The following HELLS variants were observed in gnomAD, a reference collection of about 807,000 sequenced individuals.
The protein encoded by HELLS is helicase, lymphoid specific.
Under a neutral mutation model 120.0 loss-of-function variants are expected in HELLS, and 32 were observed. The observed-to-expected ratio is 0.27, with a 90% CI of 0.20 to 0.36. HELLS has a LOEUF of 0.36. Among genes scored for constraint, HELLS ranks in the 10% least tolerant of loss-of-function variants. The pLI, the probability that HELLS is intolerant of heterozygous loss-of-function variation, is 1.00. For synonymous variants in HELLS, 341 were observed against 323.4 expected (o/e 1.05, Z -0.58); for missense variants, 650 against 993.4 (o/e 0.65, Z 4.65).
chr10:94,591,872 G>T (rs1845505172), intron 15 of HELLS, among the ~76,000 whole-genome samples: 1 of 152,138 alleles, frequency 6.6e-6, no homozygotes, highest in Admixed American at 6.5e-5. Context: ...AAGAATTCTA[G>T]CAGTAGTTTA....
intron 9 of HELLS, 28 bp from the exon 10 acceptor site, chr10:94,576,634 T>A: frequency 7.4e-7 from 1 of 1,345,954 alleles, no homozygotes; most frequent in African/African-American, 1.4e-5. Context: ...TTCTTAAGTC[T>A]GATAAAAATC....
intron 3 of HELLS, among the ~76,000 whole-genome samples, chr10:94,557,772 C>T (rs1843339260): frequency 6.6e-6 from 1 of 152,208 alleles, no homozygotes; most frequent in Non-Finnish European, 1.5e-5. Flanking sequence ...CTCCTCAACA[C>T]AAAGAGACTG....
rs372100705 is a variant in HELLS, at chr10:94,597,153, C to A, written c.2422+42C>A. 4.5e-6 allele frequency: 5 copies of A among 1,114,392 alleles called. No homozygotes were observed. In the South Asian group the frequency reaches 5.2e-5, roughly 12 times the overall value. The allele number at this position is 1,114,392 out of a possible 1,614,324, so 69.0% of individuals were successfully genotyped here. On this transcript the variant is annotated intron_variant, in intron 21 of 21. Transcript: ENST00000348459. ...TTTTTAATGGAAGCTTCGAAACATA[C>A]ACTTAATTAGCATAATGTAATGAAC...
At chr10:94,597,359 T>A (rs766363025) in intron 21 of HELLS, among the ~76,000 whole-genome samples, 3 of 152,160 alleles carry the variant, frequency 2.0e-5, no homozygotes, top group Non-Finnish European at 4.4e-5. Flanking sequence ...AATGAATATA[T>A]TCAAGTTCCT....
chr10:94,604,559 A>G (rs1179862252), downstream of HELLS, among the ~76,000 whole-genome samples: 4 of 146,860 alleles, frequency 2.7e-5, no homozygotes, highest in African/African-American at 7.6e-5. Context: ...ACTGTTCCTC[A>G]TATTTAAGAG....
intron 7 of HELLS, among the ~76,000 whole-genome samples, chr10:94,573,074 C>G (rs544920676): frequency 1.3e-5 from 2 of 152,282 alleles, no homozygotes; most frequent in South Asian, 4.1e-4. Flanking sequence ...ATTCTCCTGC[C>G]TCAGCCTCCC....
At chr10:94,564,681 G>C (rs112676682) in intron 6 of HELLS, among the ~76,000 whole-genome samples, 9 of 151,770 alleles carry the variant, frequency 5.9e-5, no homozygotes, top group African/African-American at 2.2e-4. Context: ...GCGCGATCTC[G>C]GCTCACTGCT....
intron 12 of HELLS, among the ~76,000 whole-genome samples, chr10:94,585,894 G>T (rs2134092343): frequency 6.6e-6 from 1 of 152,076 alleles, no homozygotes; most frequent in Non-Finnish European, 1.5e-5. Context: ...GATGGGTCTT[G>T]TATAAGTCTT....
chr10:94,577,746 C>G (rs901737953), intron 10 of HELLS: 1 of 152,224 alleles, frequency 6.6e-6, no homozygotes, highest in African/African-American at 2.4e-5. Flanking sequence ...GCCAACATGA[C>G]GAAACCCTGT....
chr10:94,592,165 T>A, intron 15 of HELLS, 64 bp from the exon 16 acceptor site: 1 of 1,276,166 alleles, frequency 7.8e-7, no homozygotes, highest in Non-Finnish European at 1.1e-6. Flanking sequence ...TCCAAATGGC[T>A]TTTGTTTTAA....
intron 10 of HELLS, among the ~76,000 whole-genome samples, chr10:94,578,070 C>CAAAAAAAAAAAAAAAAAA (rs58732872): frequency 1.6e-5 from 1 of 60,840 alleles, no homozygotes; most frequent in Non-Finnish European, 3.3e-5. Flanking sequence ...GACTCCGTCT[C>CAAAAAAAAAAAAAAAAAA]AAAAAAAAAA....
chr10:94,570,457 A>G (rs1844086221), intron 6 of HELLS: 1 of 152,132 alleles, frequency 6.6e-6, no homozygotes, highest in Non-Finnish European at 1.5e-5. Context: ...ATATACATAT[A>G]TTCCCATGTA....
At chr10:94,552,414 C>G (rs1016553791) in intron 2 of HELLS, among the ~76,000 whole-genome samples, 4 of 152,194 alleles carry the variant, frequency 2.6e-5, no homozygotes, top group Non-Finnish European at 4.4e-5. Flanking sequence ...TCTCATTTAT[C>G]CATCCTTCAG....
chr10:94,611,660 G>A (rs1846194882), exon 10 of HELLS: 2 of 152,118 alleles, frequency 1.3e-5, no homozygotes, highest in Non-Finnish European at 2.9e-5. Context: ...TAAACATGTG[G>A]TTCCAATTCT....
chr10:94,576,836 AT>A (rs1426652286), intron 10 of HELLS, 31 bp downstream of exon 10: 1 of 1,551,292 alleles, frequency 6.4e-7, no homozygotes. Flanking sequence ...TTTCTTTGTA[AT>A]ACATAAAACA....
intron 12 of HELLS, chr10:94,583,889 T>C (rs777424208): frequency 2.4e-5 from 10 of 412,126 alleles, no homozygotes; most frequent in Non-Finnish European, 4.3e-5. Context: ...ATTAATAATA[T>C]CTATCTCTTC....
chr10:94,598,004 C>CTTT (rs1399975616), intron 21 of HELLS, among the ~76,000 whole-genome samples: 1 of 141,884 alleles, frequency 7.0e-6, no homozygotes, highest in Non-Finnish European at 1.6e-5. Context: ...TATATTGCTT[C>CTTT]TTTTTTTTTT....
intron 21 of HELLS, among the ~76,000 whole-genome samples, chr10:94,599,031 A>G (rs533524472): frequency 1.3e-5 from 2 of 152,268 alleles, no homozygotes; most frequent in South Asian, 2.1e-4. Context: ...TGGTATTCCT[A>G]TGCCAGTATC....
chr10:94,584,147 T>G, intron 12 of HELLS: 3 of 1,175,204 alleles, frequency 2.6e-6, no homozygotes, highest in Non-Finnish European at 3.4e-6. Context: ...TTTTCAGTGT[T>G]GCAGAGATTA....
Sources: gnomAD v4.1 joint callset for allele counts (sites outside exome capture counted in the v4.1 genomes callset) on GRCh38, gnomAD v4.1.1 for gene constraint, MANE v1.5 for transcripts, NCBI Gene and HGNC (gene_info 2026-07-23, HGNC 2026-07-21) for gene names.